Variants in KDM4C observed in about 807,000 individuals in gnomAD.
KDM4C encodes lysine demethylase 4C.
A neutral mutation model predicts 129.3 loss-of-function variants in KDM4C; 81 were observed. That is an observed-to-expected ratio of 0.63 (90% CI 0.52 to 0.75). KDM4C has a LOEUF of 0.75. Among genes scored for constraint, KDM4C ranks in the 30% least tolerant of loss-of-function variants. The pLI is 0.00. For synonymous variants in KDM4C, 573 were observed against 456.1 expected, an observed-to-expected ratio of 1.26 and a Z score of -3.26; for missense variants, 1,457 against 1,304.0, an observed-to-expected ratio of 1.12 and a Z score of -1.81.
At chr9:7,105,525 AG>A (rs1210427229) in intron 18 of KDM4C, 2 of 466,890 alleles carry the variant, frequency 4.3e-6, no homozygotes, top group Admixed American at 2.4e-5. Context: ...TCCTGTTTCG[AG>A]GATAAGAAAC....
intron 1 of KDM4C, among the ~76,000 whole-genome samples, chr9:6,781,699 CTTTG>C (rs1453523905): frequency 2.0e-5 from 3 of 152,136 alleles, no homozygotes; most frequent in Admixed American, 1.3e-4. Flanking sequence ...ACAAGAAAGC[CTTTG>C]TTTGGCCTCA....
At chr9:6,776,869 TGGGATTA>T (rs1823184021) in intron 1 of KDM4C, among the ~76,000 whole-genome samples, 1 of 135,402 alleles carries the variant, frequency 7.4e-6, no homozygotes, top group Non-Finnish European at 1.7e-5. Flanking sequence ...CCCAAAGTGC[TGGGATTA>T]CAGGCGTGAG....
intron 1 of KDM4C, among the ~76,000 whole-genome samples, chr9:6,739,999 C>G (rs989689134): frequency 6.6e-6 from 1 of 151,880 alleles, no homozygotes; most frequent in East Asian, 1.9e-4. Flanking sequence ...AAGTGATTCT[C>G]CTGCCTCAGT....
intron 15 of KDM4C, 61 bp downstream of exon 15, chr9:7,015,990 T>A: frequency 8.2e-7 from 1 of 1,221,708 alleles, no homozygotes; most frequent in Non-Finnish European, 1.2e-6. Flanking sequence ...TGTGGACACA[T>A]TTAAGTCTAG....
chr9:6,821,493 G>A (rs1484999540), intron 4 of KDM4C, among the ~76,000 whole-genome samples: 1 of 152,062 alleles, frequency 6.6e-6, no homozygotes, highest in East Asian at 1.9e-4. Flanking sequence ...ATTTTTTCTT[G>A]TGTCTGTTGG....
chr9:6,781,665 C>T (rs1259599499), intron 1 of KDM4C, among the ~76,000 whole-genome samples: 1 of 152,104 alleles, frequency 6.6e-6, no homozygotes, highest in Non-Finnish European at 1.5e-5. Context: ...AGAATGGACA[C>T]TTGTTTGCAT....
intron 5 of KDM4C, among the ~76,000 whole-genome samples, chr9:6,866,721 G>A (rs1410599042): frequency 1.3e-5 from 2 of 151,886 alleles, no homozygotes; most frequent in African/African-American, 4.8e-5. Flanking sequence ...AACCGTGAGT[G>A]GGGGGTTTAT....
chr9:7,012,717 C>G (rs117837575), intron 13 of KDM4C, among the ~76,000 whole-genome samples: 10 of 152,092 alleles, frequency 6.6e-5, no homozygotes, highest in African/African-American at 1.7e-4. Context: ...GTCCTCAGCA[C>G]TCAAACAGTT....
intron 18 of KDM4C, among the ~76,000 whole-genome samples, chr9:7,122,051 C>T (rs886260445): frequency 6.6e-6 from 1 of 151,948 alleles, no homozygotes; most frequent in Non-Finnish European, 1.5e-5. Flanking sequence ...TTTCGCATTG[C>T]TATGAAGAAC....
chr9:6,847,032 C>T (rs527420925), intron 4 of KDM4C, among the ~76,000 whole-genome samples: 2 of 152,242 alleles, frequency 1.3e-5, no homozygotes, highest in South Asian at 4.1e-4. Context: ...CTACCCTCTT[C>T]CCCTCATACC....
At chr9:7,076,575 C>T in intron 17 of KDM4C, 9 of 1,504,750 alleles carry the variant, frequency 6.0e-6, no homozygotes, top group Non-Finnish European at 6.2e-6. Context: ...TCCATGGGAG[C>T]AGCCAGCATC....
At chr9:7,132,283 C>T (rs1428048960) in intron 19 of KDM4C, among the ~76,000 whole-genome samples, 1 of 152,146 alleles carries the variant, frequency 6.6e-6, no homozygotes, top group East Asian at 1.9e-4. Flanking sequence ...ATAAACCCAA[C>T]AGATGAGAAT....
At chr9:6,771,304 C>G (rs965260418) in intron 1 of KDM4C, among the ~76,000 whole-genome samples, 2 of 151,252 alleles carry the variant, frequency 1.3e-5, no homozygotes, top group African/African-American at 2.4e-5. Context: ...CTAAGTATTT[C>G]AATTTTTTTA....
chr9:6,740,416 G>T (rs982638291), intron 1 of KDM4C, among the ~76,000 whole-genome samples: 3 of 151,716 alleles, frequency 2.0e-5, no homozygotes, highest in Admixed American at 6.6e-5. Context: ...TGTTAGCCAG[G>T]ATGGTCTTGA....
At chr9:6,746,429 C>G (rs1363964658) in intron 1 of KDM4C, among the ~76,000 whole-genome samples, 1 of 150,470 alleles carries the variant, frequency 6.6e-6, no homozygotes, top group Non-Finnish European at 1.5e-5. Context: ...CCACAACGCC[C>G]GGCTAATTTT....
At chr9:6,834,687 A>G (rs543529015) in intron 4 of KDM4C, 24 of 842,964 alleles carry the variant, frequency 2.8e-5, no homozygotes, top group African/African-American at 1.5e-4. Context: ...ATCATTACCA[A>G]CTGGGACAAC....
At chr9:7,137,740 T>G (rs574417876) in intron 19 of KDM4C, among the ~76,000 whole-genome samples, 29 of 152,320 alleles carry the variant, frequency 1.9e-4, no homozygotes, top group Middle Eastern at 3.4e-3. Context: ...GCTGCCTGTT[T>G]ACAAGCCATT....
intron 18 of KDM4C, among the ~76,000 whole-genome samples, chr9:7,107,076 G>T (rs1837777925): frequency 6.6e-6 from 1 of 152,148 alleles, no homozygotes; most frequent in African/African-American, 2.4e-5. Flanking sequence ...TTTGTTGAAT[G>T]TCACTGCTGT....
chr9:7,110,342 G>A (rs1489960408), intron 18 of KDM4C, among the ~76,000 whole-genome samples: 1 of 152,164 alleles, frequency 6.6e-6, no homozygotes, highest in East Asian at 1.9e-4. Flanking sequence ...TAGTGACAGA[G>A]CAGATAAATA....
Sources: allele counts gnomAD v4.1 joint callset (sites outside exome capture counted in the v4.1 genomes callset), GRCh38; gene constraint gnomAD v4.1.1; transcripts MANE v1.5; gene names NCBI Gene and HGNC (gene_info 2026-07-23, HGNC 2026-07-21).